IQCM: variants seen among roughly 807,000 people sequenced by gnomAD.
IQCM encodes the protein IQ motif containing M.
Under a neutral mutation model 57.6 loss-of-function variants are expected in IQCM, and 45 were observed. The observed-to-expected ratio is 0.78, with a 90% CI of 0.62 to 1.00. The LOEUF is 1.00. IQCM is among the 50% of genes least tolerant of loss of function. The pLI is 0.00. For missense variants in IQCM, 468 were observed against 511.6 expected (o/e 0.91, Z 0.82); for synonymous variants, 148 against 158.9 (o/e 0.93, Z 0.51).
chr4:149,690,973 G>A (rs1180713547), intron 5 of IQCM: 1 of 152,040 alleles, frequency 6.6e-6, no homozygotes, highest in Non-Finnish European at 1.5e-5. Context: ...GGTAATTTCT[G>A]CCTTGTTTAC....
At chr4:149,705,300 C>T (rs1764075213) in intron 5 of IQCM, among the ~76,000 whole-genome samples, 1 of 148,780 alleles carries the variant, frequency 6.7e-6, no homozygotes, top group Non-Finnish European at 1.5e-5. Context: ...ATACAATAGG[C>T]ATAGGAGTAA....
chr4:149,463,929 G>A, intron 12 of IQCM, among the ~76,000 whole-genome samples: 1 of 152,032 alleles, frequency 6.6e-6, no homozygotes, highest in Non-Finnish European at 1.5e-5. Context: ...ACAATCCTAG[G>A]AGATTCAATA....
At chr4:149,582,247 T>A (rs2149987670) in intron 9 of IQCM, among the ~76,000 whole-genome samples, 1 of 137,384 alleles carries the variant, frequency 7.3e-6, no homozygotes, top group East Asian at 2.2e-4. Flanking sequence ...AGCCACCAGA[T>A]CCTGCACCCT....
At chr4:149,359,839 T>G (rs551515192) in intron 13 of IQCM, among the ~76,000 whole-genome samples, 2 of 152,186 alleles carry the variant, frequency 1.3e-5, no homozygotes, top group Non-Finnish European at 2.9e-5. Flanking sequence ...TAGAGCAACT[T>G]GGAAAGAAAA....
At chr4:149,519,932 G>A (rs1384615955) in intron 12 of IQCM, among the ~76,000 whole-genome samples, 1 of 152,038 alleles carries the variant, frequency 6.6e-6, no homozygotes, top group Non-Finnish European at 1.5e-5. Context: ...ATGAACCTGG[G>A]AGGCAGAGCT....
chr4:149,590,710 T>C (rs1195809799), intron 8 of IQCM, among the ~76,000 whole-genome samples: 2 of 152,126 alleles, frequency 1.3e-5, no homozygotes, highest in Non-Finnish European at 2.9e-5. Flanking sequence ...TGTTTGGTTT[T>C]CTGTTCCTGT....
rs1560896074 is a variant in IQCM, at chr4:149,481,711, T to TTTGTTTTTTGTTTTTTTTTG, written c.1229-48155_1229-48154insCAAAAAAAAACAAAAAACAA. The stretch of plus-strand genomic sequence containing the variant: ...GATTCTTCCAGTTTTGTTTTTTTTT[T>TTTGTTTTTTGTTTTTTTTTG]TTTTTTTTTTTGCTTTTTGCTTAGG... On this transcript the variant is annotated intron_variant, in intron 12 of 13. Transcript: ENST00000636793. Among the ~76,000 whole-genome samples, 7 of 137,856 alleles carry TTTGTTTTTTGTTTTTTTTTG rather than the reference T, an allele frequency of 5.1e-5. No individual in the cohort carries two copies. The South Asian group carries it at 9.3e-4, about 18-fold the overall frequency. The allele number at this position is 137,856 out of a possible 152,430, so 90.4% of individuals were successfully genotyped here.
chr4:149,490,525 G>T (rs1327704336), intron 12 of IQCM, among the ~76,000 whole-genome samples: 2 of 151,934 alleles, frequency 1.3e-5, no homozygotes, highest in Non-Finnish European at 2.9e-5. Flanking sequence ...AGGTAAGACT[G>T]GAAAAATGTT....
intron 5 of IQCM, among the ~76,000 whole-genome samples, chr4:149,699,015 A>T (rs1381943840): frequency 6.6e-6 from 1 of 152,132 alleles, no homozygotes; most frequent in Non-Finnish European, 1.5e-5. Context: ...GATTATAAAG[A>T]TATGAATTTT....
intron 12 of IQCM, among the ~76,000 whole-genome samples, chr4:149,543,964 C>T (rs1319204563): frequency 2.0e-5 from 3 of 151,910 alleles, no homozygotes; most frequent in Non-Finnish European, 4.4e-5. Context: ...ATAGCAGTGG[C>T]AAAACAAAGT....
At chr4:149,383,141 T>A (rs1731194110) in intron 13 of IQCM, among the ~76,000 whole-genome samples, 1 of 152,150 alleles carries the variant, frequency 6.6e-6, no homozygotes, top group Non-Finnish European at 1.5e-5. Flanking sequence ...TGTCTTAAAT[T>A]TCTTGTGTCT....
rs545138744 is a variant in IQCM, at chr4:149,520,001, T to C, written c.1228+28454A>G. Among the ~76,000 whole-genome samples the C allele has an allele frequency of 3.8e-4, 57 of 150,834 alleles. 2 individuals carry two copies. The highest frequency in any genetic ancestry group is 1.3e-3 in the African/African-American group (54 of 40,618). ...GCCTGGGAGACACAGCGAGACTCTG[T>C]CTCAAAGAAAACAAAAACAAAAATA... On this transcript the variant is annotated intron_variant, in intron 12 of 13. Coordinates refer to ENST00000636793, the MANE Select transcript of IQCM (RefSeq NM_001363507.2).
chr4:149,474,235 G>T (rs1170002465), intron 12 of IQCM, among the ~76,000 whole-genome samples: 1 of 151,868 alleles, frequency 6.6e-6, no homozygotes, highest in Admixed American at 6.6e-5. Context: ...GGCATACAGA[G>T]ATCAGGAGAG....
At chr4:149,711,293 T>A (rs2149832166) in intron 5 of IQCM, 1 of 152,278 alleles carries the variant, frequency 6.6e-6, no homozygotes, top group Admixed American at 6.5e-5. Context: ...TTCCTCCACA[T>A]ACCCCAGTTA....
intron 2 of IQCM, among the ~76,000 whole-genome samples, chr4:149,745,911 G>A (rs1159884021): frequency 2.6e-5 from 4 of 152,070 alleles, no homozygotes; most frequent in Non-Finnish European, 5.9e-5. Context: ...GGTCAAGGCT[G>A]CAGTGAGCCG....
intron 12 of IQCM, among the ~76,000 whole-genome samples, chr4:149,438,419 T>C (rs1372926684): frequency 1.3e-5 from 2 of 152,114 alleles, no homozygotes; most frequent in Non-Finnish European, 2.9e-5. Flanking sequence ...GTTTTTAGTA[T>C]GGAATTTTCA....
intron 2 of IQCM, among the ~76,000 whole-genome samples, chr4:149,757,846 T>C (rs1378647317): frequency 1.3e-5 from 2 of 152,124 alleles, no homozygotes; most frequent in Non-Finnish European, 2.9e-5. Flanking sequence ...CTAAGTCACA[T>C]GAAATGTCTC....
chr4:149,797,382 T>C (rs1376537885), intron 2 of IQCM, among the ~76,000 whole-genome samples: 1 of 151,010 alleles, frequency 6.6e-6, no homozygotes, highest in Non-Finnish European at 1.5e-5. Flanking sequence ...AAGGAGACAA[T>C]AGGAAAAAGA....
At chr4:149,686,572 T>C in intron 5 of IQCM, 104 bp from the exon 6 acceptor site, 2 of 431,394 alleles carry the variant, frequency 4.6e-6, no homozygotes, top group Non-Finnish European at 7.7e-6. Context: ...ACAAGAGCTA[T>C]AATCTTTTAA....
Sources: allele counts gnomAD v4.1 joint callset (sites outside exome capture counted in the v4.1 genomes callset), GRCh38; gene constraint gnomAD v4.1.1; transcripts MANE v1.5; gene names NCBI Gene and HGNC (gene_info 2026-07-23, HGNC 2026-07-21).